Variants in AUTS2 observed in about 807,000 individuals in gnomAD.
AUTS2 encodes autism susceptibility gene 2 protein.
In AUTS2, 17 loss-of-function variants were observed where a neutral mutation model predicts 112.4. The ratio of observed to expected loss-of-function variants is 0.15; its 90% CI spans 0.10 to 0.23. The LOEUF (loss-of-function observed/expected upper bound fraction) is 0.23, where lower values mean the gene tolerates loss of function less well. Ranked by LOEUF, AUTS2 falls within the 10% of genes least tolerant of loss-of-function variation. The probability of loss-of-function intolerance (pLI) is 1.00; values close to 1 mark genes in which losing one functional copy is unlikely to be tolerated. For missense variants in AUTS2, 1,510 were observed against 1,701.6 expected (o/e 0.89, Z 1.98); for synonymous variants, 751 against 702.7 (o/e 1.07, Z -1.09).
intron 5 of AUTS2, among the ~76,000 whole-genome samples, chr7:70,533,752 C>T (rs1392797042): frequency 2.3e-4 from 35 of 152,228 alleles, no homozygotes; most frequent in Non-Finnish European, 4.4e-5. Flanking sequence ...CATTGCTCTC[C>T]TAGCTTAGGC....
intron 4 of AUTS2, among the ~76,000 whole-genome samples, chr7:70,398,189 G>T (rs1794170203): frequency 6.6e-6 from 1 of 152,120 alleles, no homozygotes; most frequent in South Asian, 2.1e-4. Context: ...ACATCATTTG[G>T]TTACTACAGC....
At chr7:70,420,589 C>T (rs1022193709) in intron 4 of AUTS2, among the ~76,000 whole-genome samples, 5 of 152,272 alleles carry the variant, frequency 3.3e-5, no homozygotes, top group East Asian at 1.9e-4. Flanking sequence ...AAACTCTGGC[C>T]GAGGCAGCCT....
intron 4 of AUTS2, among the ~76,000 whole-genome samples, chr7:70,239,903 C>T (rs141907146): frequency 6.6e-5 from 10 of 152,242 alleles, no homozygotes; most frequent in East Asian, 3.9e-4. Context: ...TATTGCCGAT[C>T]GGGAAAGTAC....
intron 6 of AUTS2, among the ~76,000 whole-genome samples, chr7:70,725,980 C>G (rs149763494): frequency 0.019 from 2,832 of 150,590 alleles, 87 homozygotes; most frequent in African/African-American, 0.066. Flanking sequence ...AGAGATCGTG[C>G]CACTGCACTC....
chr7:70,607,170 G>A (rs573810557), intron 5 of AUTS2, among the ~76,000 whole-genome samples: 127 of 152,284 alleles, frequency 8.3e-4, no homozygotes, highest in African/African-American at 2.6e-3. Context: ...GCTGGGGGGC[G>A]AAGGTGGGAG....
intron 1 of AUTS2, among the ~76,000 whole-genome samples, chr7:69,711,084 C>T (rs991221340): frequency 1.3e-5 from 2 of 152,126 alleles, no homozygotes; most frequent in Admixed American, 1.3e-4. Context: ...GGGACAAATG[C>T]GTCACTTAGT....
At chr7:69,612,920 G>A (rs1181948250) in intron 1 of AUTS2, among the ~76,000 whole-genome samples, 1 of 152,188 alleles carries the variant, frequency 6.6e-6, no homozygotes, top group African/African-American at 2.4e-5. Context: ...CTTATTTACA[G>A]TTGACAACAA....
chr7:69,681,257 C>T (rs999127897), intron 1 of AUTS2, among the ~76,000 whole-genome samples: 17 of 152,222 alleles, frequency 1.1e-4, no homozygotes, highest in Admixed American at 9.2e-4. Context: ...ATCACTTCTT[C>T]TGCATATGTA....
At chr7:69,929,448 T>TC (rs1409587966) in intron 2 of AUTS2, among the ~76,000 whole-genome samples, 2 of 152,068 alleles carry the variant, frequency 1.3e-5, no homozygotes, top group African/African-American at 2.4e-5. Context: ...TAAGGTTTTT[T>TC]CCCCTTCTCT....
intron 1 of AUTS2, among the ~76,000 whole-genome samples, chr7:69,607,463 T>A (rs967864321): frequency 3.9e-5 from 6 of 152,238 alleles, no homozygotes; most frequent in Non-Finnish European, 7.3e-5. Flanking sequence ...CAAAAATTTT[T>A]AAATTTCATT....
At chr7:70,433,447 T>C (rs1795756290) in intron 4 of AUTS2, among the ~76,000 whole-genome samples, 1 of 152,208 alleles carries the variant, frequency 6.6e-6, no homozygotes, top group African/African-American at 2.4e-5. Flanking sequence ...GCCCAGATCT[T>C]AGGAACCTCA....
intron 2 of AUTS2, among the ~76,000 whole-genome samples, chr7:70,053,306 C>T (rs926375133): frequency 1.3e-5 from 2 of 152,120 alleles, no homozygotes; most frequent in African/African-American, 4.8e-5. Flanking sequence ...AAAACCAGAT[C>T]TGAGGCCCAT....
At chr7:69,955,669 T>G (rs1797183388) in intron 2 of AUTS2, among the ~76,000 whole-genome samples, 2 of 152,138 alleles carry the variant, frequency 1.3e-5, no homozygotes, top group Non-Finnish European at 2.9e-5. Flanking sequence ...TTAACAACTT[T>G]CACCTGGCAA....
intron 4 of AUTS2, among the ~76,000 whole-genome samples, chr7:70,235,067 T>A (rs1258076926): frequency 1.3e-5 from 2 of 152,188 alleles, no homozygotes; most frequent in Admixed American, 6.5e-5. Flanking sequence ...CGGTTTAATA[T>A]ACTAAAATGA....
At chr7:70,034,437 GAGGAAGGA>G (rs150810179) in intron 2 of AUTS2, among the ~76,000 whole-genome samples, 371 of 152,134 alleles carry the variant, frequency 2.4e-3, no homozygotes, top group Middle Eastern at 6.8e-3. Flanking sequence ...CAGACTGAGG[GAGGAAGGA>G]AGGAAGGAAG....
chr7:70,600,651 T>C (rs901082680), intron 5 of AUTS2, among the ~76,000 whole-genome samples: 1 of 152,212 alleles, frequency 6.6e-6, no homozygotes, highest in African/African-American at 2.4e-5. Flanking sequence ...CAGAACATTT[T>C]CATTATCCCC....
At chr7:70,208,611 G>A (rs766856705) in intron 4 of AUTS2, among the ~76,000 whole-genome samples, 6 of 152,020 alleles carry the variant, frequency 3.9e-5, no homozygotes, top group African/African-American at 1.2e-4. Context: ...TGTCAAAGAC[G>A]TAACATTCCA....
At chr7:70,251,273 C>A (rs552833811) in intron 4 of AUTS2, among the ~76,000 whole-genome samples, 1 of 151,998 alleles carries the variant, frequency 6.6e-6, no homozygotes. Context: ...ACCATGTTGG[C>A]CAGGCTGGTC....
chr7:70,509,110 T>TAG (rs1339494775), intron 5 of AUTS2, among the ~76,000 whole-genome samples: 1 of 152,216 alleles, frequency 6.6e-6, no homozygotes, highest in African/African-American at 2.4e-5. Context: ...ACAATAATAA[T>TAG]AGGTGTGCAT....
Sources: gnomAD v4.1 joint callset for allele counts (sites outside exome capture counted in the v4.1 genomes callset) on GRCh38, gnomAD v4.1.1 for gene constraint, MANE v1.5 for transcripts, NCBI Gene and HGNC (gene_info 2026-07-23, HGNC 2026-07-21) for gene names.